SOX6: variants seen among roughly 807,000 people sequenced by gnomAD.
The protein encoded by SOX6 is SRY-box transcription factor 6, also known as transcription factor SOX-6.
Under a neutral mutation model 97.8 loss-of-function variants are expected in SOX6, and 11 were observed. The observed-to-expected ratio is 0.11, with a 90% CI of 0.07 to 0.19. SOX6 has a LOEUF of 0.19. Ranked by LOEUF, SOX6 falls within the 10% of genes least tolerant of loss-of-function variation. The probability of loss-of-function intolerance (pLI) is 1.00; values close to 1 mark genes in which losing one functional copy is unlikely to be tolerated. For missense variants in SOX6, 810 were observed against 1,039.5 expected, an observed-to-expected ratio of 0.78 and a Z score of 3.04; for synonymous variants, 360 against 371.4, an observed-to-expected ratio of 0.97 and a Z score of 0.35.
intron 12 of SOX6, among the ~76,000 whole-genome samples, chr11:16,022,247 G>A (rs187961839): frequency 7.8e-4 from 118 of 152,016 alleles, no homozygotes; most frequent in African/African-American, 2.6e-3. Context: ...CTTATCCAAA[G>A]GTCAATATCC....
chr11:16,081,042 T>C (rs1053130936), intron 9 of SOX6, among the ~76,000 whole-genome samples: 2 of 152,010 alleles, frequency 1.3e-5, no homozygotes, highest in African/African-American at 2.4e-5. Context: ...TGAGCTATGA[T>C]TGTACCACGG....
At chr11:16,712,738 G>A (rs1242498029) in intron 3 of SOX6, among the ~76,000 whole-genome samples, 1 of 152,026 alleles carries the variant, frequency 6.6e-6, no homozygotes, top group Non-Finnish European at 1.5e-5. Context: ...TCCCTTGTTT[G>A]TTCCTTATGG....
intron 13 of SOX6, among the ~76,000 whole-genome samples, chr11:15,994,609 T>C (rs1413052149): frequency 4.6e-5 from 7 of 152,046 alleles, no homozygotes; most frequent in Admixed American, 1.3e-4. Context: ...AATGAGAAAT[T>C]ACCACTGAAT....
rs529700346 is a variant in SOX6 at position 16,100,781 on chromosome 11, T to A, written c.899-3093A>T. Among the ~76,000 whole-genome samples, 4 of 149,144 alleles carry A rather than the reference T, an allele frequency of 2.7e-5. No individual in the cohort carries two copies. The South Asian group carries it at 8.5e-4, about 32-fold the overall frequency. ...AAAAAAAAAAAAGCCAAAAATCCCA[T>A]GGGTAAAAGTCTGTCAATTTACTTT... On this transcript the variant is annotated intron_variant, in intron 7 of 15. Coordinates refer to ENST00000683767, the MANE Select transcript of SOX6 (RefSeq NM_001367873.1).
At chr11:16,078,720 G>A (rs998661012) in intron 9 of SOX6, among the ~76,000 whole-genome samples, 3 of 152,062 alleles carry the variant, frequency 2.0e-5, no homozygotes, top group East Asian at 1.9e-4. Flanking sequence ...ATATGAGTAT[G>A]GGGTAGGCTG....
At chr11:16,483,169 G>C (rs1404993213) in intron 4 of SOX6, among the ~76,000 whole-genome samples, 2 of 152,048 alleles carry the variant, frequency 1.3e-5, no homozygotes, top group Non-Finnish European at 2.9e-5. Context: ...TTGCAGCCAA[G>C]GAAATTACCT....
chr11:16,139,311 T>C (rs1850064539), intron 6 of SOX6, among the ~76,000 whole-genome samples: 1 of 152,226 alleles, frequency 6.6e-6, no homozygotes. Context: ...TTCATGTTTC[T>C]TGTCAGAATT....
intron 1 of SOX6, among the ~76,000 whole-genome samples, chr11:16,382,560 G>A (rs1371544575): frequency 6.6e-6 from 1 of 151,934 alleles, no homozygotes; most frequent in Non-Finnish European, 1.5e-5. Context: ...ACTCAATTCA[G>A]CTGTTGAAAA....
At chr11:16,644,617 T>C (rs1392733768) in intron 3 of SOX6, among the ~76,000 whole-genome samples, 1 of 152,180 alleles carries the variant, frequency 6.6e-6, no homozygotes, top group Non-Finnish European at 1.5e-5. Flanking sequence ...TATTGACTCA[T>C]AAGTTAATGA....
chr11:16,068,691 A>AT (rs1459463277), intron 9 of SOX6, among the ~76,000 whole-genome samples: 2 of 151,912 alleles, frequency 1.3e-5, no homozygotes, highest in Non-Finnish European at 2.9e-5. Context: ...CTATTGCACC[A>AT]TTTTTTCCTT....
At chr11:16,456,017 G>T (rs1444518098) in intron 1 of SOX6, among the ~76,000 whole-genome samples, 1 of 151,998 alleles carries the variant, frequency 6.6e-6, no homozygotes, top group African/African-American at 2.4e-5. Flanking sequence ...GCCATAATGT[G>T]ATATAAAAAT....
chr11:15,974,241 G>A (rs1249249751), intron 15 of SOX6, among the ~76,000 whole-genome samples: 1 of 151,840 alleles, frequency 6.6e-6, no homozygotes, highest in Non-Finnish European at 1.5e-5. Context: ...TTATCACTTG[G>A]ACAATTCTTA....
intron 3 of SOX6, among the ~76,000 whole-genome samples, chr11:16,302,039 TC>T (rs534691053): frequency 4.7e-4 from 72 of 152,180 alleles, no homozygotes; most frequent in African/African-American, 1.7e-3. Flanking sequence ...ATTAGCAACC[TC>T]AACTATACCT....
intron 6 of SOX6, among the ~76,000 whole-genome samples, chr11:16,140,633 T>G (rs974068785): frequency 3.9e-5 from 6 of 152,174 alleles, no homozygotes; most frequent in Non-Finnish European, 5.9e-5. Flanking sequence ...TGTTAAACTT[T>G]AAAGGTAAGC....
At chr11:16,412,219 C>A (rs1858835587) in intron 1 of SOX6, among the ~76,000 whole-genome samples, 1 of 152,128 alleles carries the variant, frequency 6.6e-6, no homozygotes, top group Admixed American at 6.5e-5. Context: ...AACATTATTT[C>A]AGCTAAAACT....
chr11:16,095,679 T>C (rs995690908), intron 9 of SOX6, among the ~76,000 whole-genome samples: 7 of 151,810 alleles, frequency 4.6e-5, no homozygotes, highest in African/African-American at 9.7e-5. Flanking sequence ...AAAAATACTA[T>C]ACAACACTAT....
intron 6 of SOX6, among the ~76,000 whole-genome samples, chr11:16,124,687 A>G (rs969235211): frequency 6.6e-6 from 1 of 152,054 alleles, no homozygotes; most frequent in African/African-American, 2.4e-5. Context: ...AGATCAGGTT[A>G]TTTAGGGCCT....
intron 3 of SOX6, among the ~76,000 whole-genome samples, chr11:16,662,982 T>C (rs1166985166): frequency 1.3e-5 from 2 of 151,440 alleles, no homozygotes; most frequent in Non-Finnish European, 2.9e-5. Context: ...TAAGCCACCA[T>C]ACCCATCCTA....
intron 12 of SOX6, among the ~76,000 whole-genome samples, chr11:16,024,844 A>G (rs1459805968): frequency 2.6e-5 from 4 of 152,112 alleles, no homozygotes; most frequent in Non-Finnish European, 4.4e-5. Flanking sequence ...ACATTCTCCA[A>G]TGATGTATGA....
Sources: gnomAD v4.1 joint callset for allele counts (sites outside exome capture counted in the v4.1 genomes callset) on GRCh38, gnomAD v4.1.1 for gene constraint, MANE v1.5 for transcripts, NCBI Gene and HGNC (gene_info 2026-07-23, HGNC 2026-07-21) for gene names.